Variants in GALNT5 observed in about 807,000 individuals in gnomAD.
The protein encoded by GALNT5 is UDP-GalNAc:polypeptide N-acetylgalactosaminyltransferase 5.
In GALNT5, 72 loss-of-function variants were observed where a neutral mutation model predicts 85.4. That is an observed-to-expected ratio of 0.84 (90% CI 0.70 to 1.03). GALNT5 has a LOEUF of 1.03. Ranked by LOEUF, GALNT5 falls within the 50% of genes least tolerant of loss-of-function variation. The pLI, the probability that GALNT5 is intolerant of heterozygous loss-of-function variation, is 0.00. For synonymous variants in GALNT5, 404 were observed against 397.0 expected, an observed-to-expected ratio of 1.02 and a Z score of -0.21; for missense variants, 1,137 against 1,135.5, an observed-to-expected ratio of 1.00 and a Z score of -0.02.
In GALNT5 at chr2:157,258,601, C is replaced by T. The variant is rs557857601; in HGVS notation, c.519C>T (p.Phe173=). Residue 173 remains phenylalanine (F), a synonymous_variant, in exon 1 of 10, where the codon TTC becomes TTT. Transcript: ENST00000259056. ...TTAQGAPKTS[F]IAAKGTQVVK... ...CTCAGGGGGCTCCAAAGACCTCATT[C>T]ATAGCAGCAAAAGGAACTCAGGTAG... The T allele has an allele frequency of 1.9e-6, 3 of 1,613,594 alleles. No homozygotes were observed. The highest frequency in any genetic ancestry group is 3.3e-5 in the Admixed American group (2 of 59,974).
intron 8 of GALNT5, among the ~76,000 whole-genome samples, chr2:157,307,326 C>T (rs1683475746): frequency 6.6e-6 from 1 of 152,184 alleles, no homozygotes; most frequent in Admixed American, 6.5e-5. Context: ...CAACATTCAT[C>T]CAAAAAGGCT....
At chr2:157,310,120 G>A (rs1206084221) in intron 9 of GALNT5, among the ~76,000 whole-genome samples, 5 of 152,106 alleles carry the variant, frequency 3.3e-5, no homozygotes, top group Admixed American at 1.3e-4. Flanking sequence ...TCTCTTAAGC[G>A]GTAAGCTGAT....
intron 1 of GALNT5, among the ~76,000 whole-genome samples, chr2:157,267,380 G>A (rs1466511890): frequency 1.3e-5 from 2 of 152,146 alleles, no homozygotes; most frequent in Non-Finnish European, 2.9e-5. Flanking sequence ...AATTTAATTT[G>A]CCTTTTCTCA....
rs141401131 is a variant in GALNT5 at position 157,313,698 on chromosome 2, T to C, written c.*2350T>C. The C allele has an allele frequency of 3.2e-4, 48 of 152,292 alleles. No homozygotes were observed. Among genetic ancestry groups the C allele is most frequent in the African/African-American group, 1.1e-3 (47 of 41,552 alleles). 9.4% of individuals were successfully genotyped at this position (152,292 alleles called of 1,614,324 possible). A position where few individuals can be genotyped will look rare whatever the true frequency, so the allele number is the denominator to read the frequency against. ...AAAATGAATTGCATTTTGAATACAC[T>C]TATCTTTGGGTATATCAACTAAAGG... On this transcript the variant is annotated 3_prime_UTR_variant, in exon 10 of 10. Transcript: ENST00000259056.
intron 6 of GALNT5, 95 bp from the exon 7 acceptor site, chr2:157,300,581 G>T (rs916349563): frequency 6.4e-6 from 6 of 931,726 alleles, no homozygotes; most frequent in African/African-American, 1.6e-5. Context: ...ATTACTTCAG[G>T]TAGGGGGAAA....
At chr2:157,300,602 TC>T in intron 6 of GALNT5, 73 bp from the exon 7 acceptor site, 1 of 1,192,280 alleles carries the variant, frequency 8.4e-7, no homozygotes, top group African/African-American at 1.5e-5. Context: ...CAAGGTGGTT[TC>T]TTGTCATTGT....
Position 157,293,767 on chromosome 2 carries a change from T to C in GALNT5, c.1742-1896T>C, listed in dbSNP as rs1683152176. On this transcript the variant is annotated intron_variant, in intron 3 of 9. Transcript: ENST00000259056. ...TAAATTCTATTAATTGAGAGGTAGT[T>C]TGCAGATTTCAGTGATAATGATCTG... is the stretch of plus-strand genomic sequence containing the variant. Among the ~76,000 whole-genome samples the C allele has an allele frequency of 2.0e-5, 3 of 152,226 alleles. 1 individual carries two copies. In the South Asian group the frequency reaches 6.2e-4, roughly 32 times the overall value.
intron 1 of GALNT5, among the ~76,000 whole-genome samples, chr2:157,272,173 A>G (rs996260513): frequency 5.3e-5 from 8 of 151,964 alleles, no homozygotes; most frequent in African/African-American, 1.9e-4. Context: ...TTTTTTTTCA[A>G]CTCTCAGCTC....
chr2:157,288,401 C>G (rs6747731), intron 3 of GALNT5, among the ~76,000 whole-genome samples: 1 of 152,222 alleles, frequency 6.6e-6, no homozygotes, highest in African/African-American at 2.4e-5. Flanking sequence ...CTATAAATGA[C>G]GTAAAAATAG....
At chr2:157,278,043 C>T (rs1442086737) in intron 1 of GALNT5, among the ~76,000 whole-genome samples, 1 of 152,130 alleles carries the variant, frequency 6.6e-6, no homozygotes, top group African/African-American at 2.4e-5. Context: ...TCAGCATTTG[C>T]TTGTCTATAA....
chr2:157,283,522 C>G (rs1357634471), intron 1 of GALNT5, among the ~76,000 whole-genome samples: 1 of 152,124 alleles, frequency 6.6e-6, no homozygotes, highest in Non-Finnish European at 1.5e-5. Flanking sequence ...TGTGGCTATT[C>G]TGTAGCAGAG....
At chr2:157,308,435 A>T (rs570360745) in intron 8 of GALNT5, 132 bp from the exon 9 acceptor site, 1 of 668,166 alleles carries the variant, frequency 1.5e-6, no homozygotes, top group African/African-American at 1.8e-5. Flanking sequence ...TACAAATGAT[A>T]ATACCAGGAC....
intron 1 of GALNT5, among the ~76,000 whole-genome samples, chr2:157,280,495 C>T (rs1348013256): frequency 1.3e-5 from 2 of 152,224 alleles, no homozygotes; most frequent in Non-Finnish European, 2.9e-5. Flanking sequence ...GTCCTACTGA[C>T]ATCTTGGTTT....
rs1009801106 is a variant in GALNT5, at chr2:157,317,678, T to C, written c.*6330T>C. Reference sequence around the variant, plus strand: ...AAGTTATTATAAAGAAGGAATCAAGTATGTAACTTTAAATTCTAGGTAAAC... The same window carrying C: ...AAGTTATTATAAAGAAGGAATCAAGCATGTAACTTTAAATTCTAGGTAAAC... On this transcript the variant is annotated 3_prime_UTR_variant, in exon 10 of 10. Coordinates refer to ENST00000259056, the MANE Select transcript of GALNT5 (RefSeq NM_014568.3). Among the ~76,000 whole-genome samples the C allele has an allele frequency of 2.0e-5, 3 of 152,174 alleles. No individual in the cohort carries two copies. The highest frequency in any genetic ancestry group is 7.2e-5 in the African/African-American group (3 of 41,464).
chr2:157,258,175 A>G lies in GALNT5; in HGVS notation c.93A>G (p.Ala31=). 1 of 1,612,724 alleles carries G rather than the reference A, an allele frequency of 6.2e-7. No individual in the cohort carries two copies. Residue 31 remains alanine, a synonymous_variant, in exon 1 of 10, where the codon GCA becomes GCG. Coordinates refer to ENST00000259056, the MANE Select transcript of GALNT5 (RefSeq NM_014568.3). ...ASVIWLLFDM[A]ALRLSFSEIN... ...TCATCTGGCTCCTCTTTGACATGGC[A>G]GCTCTCCGCCTCTCATTCAGTGAGA...
At position 157,290,087 on chromosome 2, in the gene GALNT5, G is replaced by GTATATA. The variant is rs55861093; in HGVS notation, c.1741+3974_1741+3979dup. Among the ~76,000 whole-genome samples, 32 of 131,656 alleles carry GTATATA rather than the reference G, an allele frequency of 2.4e-4. 1 individual carries two copies. The highest frequency in any genetic ancestry group is 4.3e-4 in the African/African-American group (13 of 30,014). The allele number at this position is 131,656 out of a possible 152,430, so 86.4% of individuals were successfully genotyped here. On this transcript the variant is annotated intron_variant, in intron 3 of 9. Transcript: ENST00000259056. ...AAATTCTGTCTCAAAAAAAAAAAAT[G>GTATATA]TATATATATATATATATATATATAT...
chr2:157,307,109 G>A (rs957577022), intron 8 of GALNT5, among the ~76,000 whole-genome samples: 12 of 151,954 alleles, frequency 7.9e-5, no homozygotes, highest in African/African-American at 2.4e-4. Flanking sequence ...TGACCATTGA[G>A]TCTTTCTCAA....
rs369256598 is a variant in GALNT5 at position 157,305,757 on chromosome 2, T to A, written c.2448T>A (p.Asn816Lys). 1 of 1,595,694 alleles carries A rather than the reference T, an allele frequency of 6.3e-7. No individual in the cohort carries two copies. The highest frequency in any genetic ancestry group is 2.2e-5 in the East Asian group (1 of 44,766). Residue 816 changes from asparagine to lysine, a missense_variant, in exon 8 of 10, where the codon AAT becomes AAA. Asn to Lys is a moderately conservative substitution (Grantham distance 94). Coordinates refer to ENST00000259056, the MANE Select transcript of GALNT5 (RefSeq NM_014568.3). ...PIVRASGVLINVALGKCISIE... is the reference protein window; with the variant it reads ...PIVRASGVLIKVALGKCISIE... ...CGTATTTTGCTTTTTAGCTTATTAA[T>A]GTGGCTTTGGGTAAATGCATTTCCA...
At position 157,315,983 on chromosome 2, in the gene GALNT5, T is replaced by C. The variant is rs1683694204; in HGVS notation, c.*4635T>C. Reference sequence around the variant, plus strand: ...ATACAGAGGCTTGAGGAGGCGGTGATTGATATACATAGGGCCCGGGGATTG... The same window carrying C: ...ATACAGAGGCTTGAGGAGGCGGTGACTGATATACATAGGGCCCGGGGATTG... On this transcript the variant is annotated 3_prime_UTR_variant, in exon 10 of 10. Transcript: ENST00000259056. Among the ~76,000 whole-genome samples, 1 of 152,120 alleles carries C rather than the reference T, an allele frequency of 6.6e-6. No homozygotes were observed. The highest frequency in any genetic ancestry group is 2.1e-4 in the South Asian group (1 of 4,820).
Sources: gnomAD v4.1 joint callset for allele counts (sites outside exome capture counted in the v4.1 genomes callset) on GRCh38, gnomAD v4.1.1 for gene constraint, MANE v1.5 for transcripts, NCBI Gene and HGNC (gene_info 2026-07-23, HGNC 2026-07-21) for gene names.